ROBO2: variants seen among roughly 807,000 people sequenced by gnomAD.
ROBO2 encodes the protein roundabout homolog 2.
In ROBO2, 53 loss-of-function variants were observed where a neutral mutation model predicts 160.8. The ratio of observed to expected loss-of-function variants is 0.33; its 90% CI spans 0.26 to 0.41. The LOEUF (loss-of-function observed/expected upper bound fraction) is 0.41. Ranked by LOEUF, ROBO2 falls within the 10% of genes least tolerant of loss-of-function variation. The pLI, the probability that ROBO2 is intolerant of heterozygous loss-of-function variation, is 1.00. For missense variants in ROBO2, 1,577 were observed against 1,722.4 expected (o/e 0.92, Z 1.49); for synonymous variants, 664 against 611.7 (o/e 1.09, Z -1.26).
chr3:76,354,960 G>A (rs1213847566), intron 2 of ROBO2, among the ~76,000 whole-genome samples: 2 of 151,668 alleles, frequency 1.3e-5, no homozygotes, highest in Admixed American at 1.3e-4. Context: ...AGGACCCAGT[G>A]AAATATTTTG....
chr3:76,851,371 G>A (rs181477852), intron 2 of ROBO2, among the ~76,000 whole-genome samples: 153 of 152,280 alleles, frequency 1.0e-3, no homozygotes, highest in African/African-American at 3.6e-3. Flanking sequence ...GGATAGCACT[G>A]CTCTGGATGA....
intron 2 of ROBO2, among the ~76,000 whole-genome samples, chr3:77,185,806 C>CACATAT (rs1553826118): frequency 2.7e-5 from 4 of 150,930 alleles, no homozygotes; most frequent in East Asian, 1.9e-4. Context: ...GTGATACACA[C>CACATAT]ATATATATAT....
At chr3:77,216,627 C>A (rs1580083512) in intron 2 of ROBO2, among the ~76,000 whole-genome samples, 1 of 152,288 alleles carries the variant, frequency 6.6e-6, no homozygotes, top group East Asian at 1.9e-4. Flanking sequence ...AACCCGGTAC[C>A]TCAGTTGGAA....
chr3:77,331,501 T>C (rs1172902266), intron 2 of ROBO2, among the ~76,000 whole-genome samples: 1 of 152,218 alleles, frequency 6.6e-6, no homozygotes, highest in Non-Finnish European at 1.5e-5. Context: ...ATCAAATTTC[T>C]ACTTGATAGC....
At chr3:76,198,565 C>T (rs575804614) in intron 2 of ROBO2, among the ~76,000 whole-genome samples, 68 of 152,192 alleles carry the variant, frequency 4.5e-4, no homozygotes, top group African/African-American at 1.6e-3. Context: ...CATTATATAG[C>T]GAATCCTCTT....
intron 2 of ROBO2, among the ~76,000 whole-genome samples, chr3:76,130,887 A>C (rs1487431393): frequency 6.6e-6 from 1 of 152,100 alleles, no homozygotes; most frequent in Non-Finnish European, 1.5e-5. Context: ...CTTTAAACCC[A>C]TTCTGATTTC....
intron 2 of ROBO2, among the ~76,000 whole-genome samples, chr3:76,584,651 T>C (rs11127549): frequency 0.53 from 81,150 of 152,000 alleles, 21,825 homozygotes; most frequent in Admixed American, 0.58. Context: ...GACTCCAGAA[T>C]TTATAGACAG....
At chr3:77,079,362 C>G (rs1325625767) in intron 1 of ROBO2, among the ~76,000 whole-genome samples, 1 of 152,164 alleles carries the variant, frequency 6.6e-6, no homozygotes, top group African/African-American at 2.4e-5. Flanking sequence ...ATCCTTCATT[C>G]CAAGATAGAC....
At chr3:77,584,400 A>G (rs549314356) in intron 16 of ROBO2, among the ~76,000 whole-genome samples, 35 of 152,270 alleles carry the variant, frequency 2.3e-4, no homozygotes, top group African/African-American at 8.2e-4. Flanking sequence ...TTTAAAGAAA[A>G]ATAAACAAAT....
intron 2 of ROBO2, among the ~76,000 whole-genome samples, chr3:76,145,476 A>G (rs888050533): frequency 6.6e-6 from 1 of 152,006 alleles, no homozygotes; most frequent in African/African-American, 2.4e-5. Context: ...TAAATTAACT[A>G]TTCTCCACTT....
intron 2 of ROBO2, among the ~76,000 whole-genome samples, chr3:76,979,732 A>C (rs908000994): frequency 6.8e-6 from 1 of 146,904 alleles, no homozygotes; most frequent in African/African-American, 2.5e-5. Flanking sequence ...AACATCTTCC[A>C]ATTACTTTTC....
intron 2 of ROBO2, among the ~76,000 whole-genome samples, chr3:77,403,020 C>T (rs933320702): frequency 5.9e-5 from 9 of 152,080 alleles, no homozygotes. Flanking sequence ...GCTACAGACC[C>T]GTACAGATAC....
chr3:76,176,691 T>A (rs1312378248), intron 2 of ROBO2, among the ~76,000 whole-genome samples: 1 of 152,114 alleles, frequency 6.6e-6, no homozygotes, highest in Non-Finnish European at 1.5e-5. Context: ...TTATTTTTTA[T>A]TTTTTGCATT....
intron 2 of ROBO2, among the ~76,000 whole-genome samples, chr3:76,194,350 G>GCATATATA (rs1702147204): frequency 2.4e-5 from 1 of 42,046 alleles, no homozygotes; most frequent in Non-Finnish European, 7.0e-5. Flanking sequence ...TGTATGGTGT[G>GCATATATA]TAAATATATA....
intron 2 of ROBO2, among the ~76,000 whole-genome samples, chr3:76,409,991 T>C (rs987915743): frequency 2.0e-5 from 3 of 152,100 alleles, no homozygotes; most frequent in African/African-American, 7.2e-5. Context: ...GAGGAGTCTG[T>C]TGCTTTGTTT....
intron 2 of ROBO2, among the ~76,000 whole-genome samples, chr3:77,257,586 CA>C (rs1371319104): frequency 2.0e-5 from 3 of 152,106 alleles, no homozygotes; most frequent in Non-Finnish European, 4.4e-5. Context: ...TTAGGAAGTG[CA>C]AATAGTCAAA....
chr3:76,547,510 A>C (rs1268343835), intron 2 of ROBO2, among the ~76,000 whole-genome samples: 4 of 152,090 alleles, frequency 2.6e-5, no homozygotes, highest in East Asian at 1.9e-4. Flanking sequence ...GAAAAGAAAG[A>C]AAGCATTAAA....
intron 2 of ROBO2, among the ~76,000 whole-genome samples, chr3:76,898,898 T>C (rs1009815948): frequency 2.6e-5 from 4 of 152,218 alleles, no homozygotes; most frequent in African/African-American, 4.8e-5. Context: ...GTATTTATTA[T>C]ATTTGCGTTA....
chr3:75,965,586 T>TCGAATTGTTTGATTTG (rs1202345211), intron 2 of ROBO2, among the ~76,000 whole-genome samples: 29 of 151,952 alleles, frequency 1.9e-4, no homozygotes, highest in East Asian at 7.8e-4. Context: ...ATGCAACAGT[T>TCGAATTGTTTGATTTG]TTTTCTGCTA....
Sources: gnomAD v4.1 joint callset for allele counts (sites outside exome capture counted in the v4.1 genomes callset) on GRCh38, gnomAD v4.1.1 for gene constraint, MANE v1.5 for transcripts, NCBI Gene and HGNC (gene_info 2026-07-23, HGNC 2026-07-21) for gene names.